CNTN4: variants seen among roughly 807,000 people sequenced by gnomAD.
The protein encoded by CNTN4 is contactin 4, also known as contactin-4.
In CNTN4, 77 loss-of-function variants were observed where a neutral mutation model predicts 122.5. The observed-to-expected ratio is 0.63, with a 90% CI of 0.52 to 0.76. The LOEUF is 0.76. Among genes scored for constraint, CNTN4 ranks in the 30% least tolerant of loss-of-function variants. The probability of loss-of-function intolerance (pLI) is 0.00; values close to 1 mark genes in which losing one functional copy is unlikely to be tolerated. For synonymous variants in CNTN4, 512 were observed against 447.0 expected (o/e 1.15, Z -1.83); for missense variants, 1,256 against 1,259.1 (o/e 1.00, Z 0.04).
At chr3:2,548,399 C>G (rs2078336243) in intron 3 of CNTN4, among the ~76,000 whole-genome samples, 1 of 152,254 alleles carries the variant, frequency 6.6e-6, no homozygotes, top group Non-Finnish European at 1.5e-5. Context: ...ATATGGCTAG[C>G]CAGTTTTCCC....
intron 13 of CNTN4, among the ~76,000 whole-genome samples, chr3:2,926,089 C>T (rs1474063113): frequency 6.6e-6 from 1 of 152,152 alleles, no homozygotes; most frequent in Non-Finnish European, 1.5e-5. Context: ...TTGTAGATTT[C>T]CCCACCTTTC....
chr3:2,654,131 G>A (rs1259461293), intron 4 of CNTN4, among the ~76,000 whole-genome samples: 6 of 152,162 alleles, frequency 3.9e-5, no homozygotes, highest in African/African-American at 7.2e-5. Flanking sequence ...CCCTTCAGGG[G>A]ATGAGCTTTA....
chr3:2,337,905 A>G (rs968014881), intron 2 of CNTN4, among the ~76,000 whole-genome samples: 9 of 152,130 alleles, frequency 5.9e-5, no homozygotes, highest in Non-Finnish European at 2.9e-5. Context: ...ATAGAGCTTT[A>G]GTTTTACATC....
intron 12 of CNTN4, among the ~76,000 whole-genome samples, chr3:2,907,587 T>G (rs1010312119): frequency 1.4e-5 from 2 of 140,626 alleles, no homozygotes; most frequent in African/African-American, 5.3e-5. Context: ...AAAAAAAAAT[T>G]ATCTCTTGAT....
intron 4 of CNTN4, among the ~76,000 whole-genome samples, chr3:2,683,594 G>A (rs1559384144): frequency 6.6e-6 from 1 of 151,880 alleles, no homozygotes; most frequent in Non-Finnish European, 1.5e-5. Context: ...GTTGATAATG[G>A]TGATGAAGAT....
chr3:2,829,484 G>A (rs952431322), intron 7 of CNTN4, among the ~76,000 whole-genome samples: 4 of 152,204 alleles, frequency 2.6e-5, no homozygotes, highest in African/African-American at 9.7e-5. Flanking sequence ...AAGCAAAAGG[G>A]AGGAATTGGG....
intron 2 of CNTN4, among the ~76,000 whole-genome samples, chr3:2,304,809 A>G (rs556196701): frequency 5.3e-5 from 8 of 150,660 alleles, no homozygotes; most frequent in Non-Finnish European, 1.0e-4. Flanking sequence ...TTATGTCTCC[A>G]TTGTAATGTA....
At chr3:2,748,712 G>A (rs560686535) in intron 6 of CNTN4, among the ~76,000 whole-genome samples, 1 of 152,232 alleles carries the variant, frequency 6.6e-6, no homozygotes, top group African/African-American at 2.4e-5. Context: ...AACATGTATT[G>A]TTTCTGCAAC....
intron 3 of CNTN4, among the ~76,000 whole-genome samples, chr3:2,376,504 A>T (rs556461313): frequency 6.6e-6 from 1 of 152,114 alleles, no homozygotes; most frequent in Non-Finnish European, 1.5e-5. Flanking sequence ...TCTTTGAAGT[A>T]TCAGTATTTC....
intron 13 of CNTN4, among the ~76,000 whole-genome samples, chr3:2,931,680 C>T (rs950514042): frequency 2.0e-5 from 3 of 152,086 alleles, no homozygotes; most frequent in African/African-American, 7.2e-5. Flanking sequence ...CCAGGCTGGA[C>T]AGCAGTGGTG....
At chr3:2,613,616 G>A (rs2081590768) in intron 4 of CNTN4, among the ~76,000 whole-genome samples, 5 of 152,208 alleles carry the variant, frequency 3.3e-5, no homozygotes, top group African/African-American at 1.2e-4. Context: ...AGGACTTTTT[G>A]TAGGGCTAAT....
intron 2 of CNTN4, among the ~76,000 whole-genome samples, chr3:2,315,719 A>C (rs1407488269): frequency 6.6e-6 from 1 of 152,050 alleles, no homozygotes; most frequent in Non-Finnish European, 1.5e-5. Flanking sequence ...GAATCAATCA[A>C]GTTCTGGTTT....
intron 13 of CNTN4, among the ~76,000 whole-genome samples, chr3:2,973,319 A>G (rs978065996): frequency 2.6e-5 from 4 of 152,022 alleles, no homozygotes; most frequent in Non-Finnish European, 5.9e-5. Flanking sequence ...TAACTTAAGC[A>G]CATAGCAGGC....
At chr3:2,477,152 A>G (rs1057130649) in intron 3 of CNTN4, among the ~76,000 whole-genome samples, 1 of 152,174 alleles carries the variant, frequency 6.6e-6, no homozygotes, top group African/African-American at 2.4e-5. Flanking sequence ...CAAGCAAAAG[A>G]GGTTTAAGCA....
At position 2,136,480 on chromosome 3, in the gene CNTN4, G is replaced by A. The variant is rs149364907; in HGVS notation, c.-145+35841G>A. ...ATTAATGTTTCATACTCCAGTATTT[G>A]GGCTCTGTGTATATATTGGTGATAT... is the stretch of plus-strand genomic sequence containing the variant. On this transcript the variant is annotated intron_variant, in intron 2 of 24. Coordinates refer to ENST00000418658, the MANE Select transcript of CNTN4 (RefSeq NM_175607.3). 3.9e-5 allele frequency among the ~76,000 whole-genome samples: 6 copies of A among 152,242 alleles called. 1 individual carries two copies. The highest frequency in any genetic ancestry group is 1.2e-4 in the African/African-American group (5 of 41,538).
At chr3:2,572,310 C>G (rs2079458330) in intron 4 of CNTN4, among the ~76,000 whole-genome samples, 1 of 152,066 alleles carries the variant, frequency 6.6e-6, no homozygotes. Context: ...TGCTTGAACC[C>G]AGAAGGCGAA....
intron 13 of CNTN4, among the ~76,000 whole-genome samples, chr3:2,953,468 C>A: frequency 6.6e-6 from 1 of 151,390 alleles, no homozygotes; most frequent in East Asian, 1.9e-4. Context: ...GCCACTTCTT[C>A]TCCATTTGTC....
At chr3:2,129,058 T>G (rs1339107163) in intron 2 of CNTN4, among the ~76,000 whole-genome samples, 2 of 152,164 alleles carry the variant, frequency 1.3e-5, no homozygotes, top group Non-Finnish European at 2.9e-5. Flanking sequence ...AAATGCTTCA[T>G]TTTTTCTTTC....
intron 3 of CNTN4, among the ~76,000 whole-genome samples, chr3:2,570,258 C>T (rs746954016): frequency 1.4e-4 from 22 of 151,798 alleles, no homozygotes; most frequent in Non-Finnish European, 2.2e-4. Context: ...ACTGCAGCCT[C>T]GAACTCCTGG....
Sources: gnomAD v4.1 joint callset for allele counts (sites outside exome capture counted in the v4.1 genomes callset) on GRCh38, gnomAD v4.1.1 for gene constraint, MANE v1.5 for transcripts, NCBI Gene and HGNC (gene_info 2026-07-23, HGNC 2026-07-21) for gene names.